KCNQ1: variants seen among roughly 807,000 people sequenced by gnomAD.
The protein encoded by KCNQ1 is potassium voltage-gated channel subfamily KQT member 1.
KCNQ1 carries 49 observed loss-of-function variants against 72.4 expected under a neutral mutation model. The observed-to-expected ratio is 0.68, with a 90% CI of 0.54 to 0.86. The LOEUF (loss-of-function observed/expected upper bound fraction) is 0.86, where lower values mean the gene tolerates loss of function less well. KCNQ1 is among the 40% of genes least tolerant of loss of function. The pLI is 0.00. For missense variants in KCNQ1, 790 were observed against 945.1 expected (o/e 0.84, Z 2.15); for synonymous variants, 450 against 412.6 (o/e 1.09, Z -1.10).
rs199473473 is a variant in KCNQ1, at chr11:2,587,594, G to A, written c.1153G>A (p.Glu385Lys). The A allele has an allele frequency of 2.4e-5, 39 of 1,613,720 alleles. No individual in the cohort carries two copies. The highest frequency in any genetic ancestry group is 1.1e-4 in the South Asian group (10 of 91,090). Reference protein sequence around the residue: ...IQTAWRCYAAENPDSSTWKIY... With the variant: ...IQTAWRCYAAKNPDSSTWKIY... Reference sequence around the variant, plus strand: ...GACCGCATGGAGGTGCTATGCTGCCGAGAACCCCGACTCCTCCACCTGGAA... The same window carrying A: ...GACCGCATGGAGGTGCTATGCTGCCAAGAACCCCGACTCCTCCACCTGGAA... The change falls in exon 9 of 16, where the codon GAG (glutamate) becomes AAG (lysine). Residue 385 changes from glutamate (E) to lysine (K), a missense_variant. Glu to Lys is a moderately conservative substitution (Grantham distance 56, BLOSUM62 1). Transcript: ENST00000155840.
intron 10 of KCNQ1, chr11:2,641,285 A>T: frequency 2.5e-6 from 1 of 398,490 alleles, no homozygotes; most frequent in Non-Finnish European, 4.4e-6. Context: ...AACAGTGTAT[A>T]AGAGTTCCCT....
At chr11:2,802,584 C>T (rs1490980119) in intron 15 of KCNQ1, among the ~76,000 whole-genome samples, 4 of 152,148 alleles carry the variant, frequency 2.6e-5, no homozygotes, top group Non-Finnish European at 4.4e-5. Context: ...AGGAGCCAGC[C>T]TAGTGCCTCC....
intron 14 of KCNQ1, among the ~76,000 whole-genome samples, chr11:2,777,237 A>T (rs1846724598): frequency 6.6e-6 from 1 of 152,050 alleles, no homozygotes; most frequent in Non-Finnish European, 1.5e-5. Flanking sequence ...AGGAATATTC[A>T]GGTTTCATAA....
At position 2,559,321 on chromosome 11, in the gene KCNQ1, C is replaced by T. The variant is rs1458674529; in HGVS notation, c.478-11307C>T. Among the ~76,000 whole-genome samples the T allele has an allele frequency of 6.6e-6, 1 of 152,144 alleles. No homozygotes were observed. The highest frequency in any genetic ancestry group is 1.5e-5 in the Non-Finnish European group (1 of 68,028). On this transcript the variant is annotated intron_variant, in intron 2 of 15. Coordinates refer to ENST00000155840, the MANE Select transcript of KCNQ1 (RefSeq NM_000218.3). The surrounding 1 kb of genome is among the most constrained non-coding windows in gnomAD (Gnocchi z 4.9). The stretch of plus-strand genomic sequence containing the variant: ...TGTGTGAACATGGCTCCCCTTAGGC[C>T]AGGGGTAGACGCAGGCACAGGGAGG...
rs1368226333 is a variant in KCNQ1 at position 2,848,008 on chromosome 11, G to A, written c.*5G>A. 3.2e-6 allele frequency: 5 copies of A among 1,539,778 alleles called. No homozygotes were observed. Among genetic ancestry groups the A allele is most frequent in the Non-Finnish European group, 4.4e-6 (5 of 1,141,342 alleles). On this transcript the variant is annotated 3_prime_UTR_variant, in exon 16 of 16. Coordinates refer to ENST00000155840, the MANE Select transcript of KCNQ1 (RefSeq NM_000218.3). Reference sequence around the variant, plus strand: ...GGCCCCGATGAGGGGTCCTGAGGAGGGGATGGGGCTGGGGGATGGGCCTGA... The same window carrying A: ...GGCCCCGATGAGGGGTCCTGAGGAGAGGATGGGGCTGGGGGATGGGCCTGA...
Position 2,723,350 on chromosome 11 carries a change from A to G in KCNQ1, c.1515-45494A>G, listed in dbSNP as rs899998747. Among the ~76,000 whole-genome samples the G allele has an allele frequency of 4.6e-5, 7 of 152,220 alleles. No homozygotes were observed. The highest frequency in any genetic ancestry group is 1.2e-4 in the African/African-American group (5 of 41,460). ...GGACACTGCAACCCTCAAGACTCCT[A>G]GCAAGCCCCTCCGTCTCAGAGCCTT... On this transcript the variant is annotated intron_variant, in intron 11 of 15. Transcript: ENST00000155840. This position sits in a 1 kb window ranked among gnomAD's most constrained non-coding sequence, Gnocchi z 4.2.
chr11:2,565,133 G>A lies in KCNQ1; in HGVS notation c.478-5495G>A, dbSNP rs1352635673. Among the ~76,000 whole-genome samples, 1 of 152,056 alleles carries A rather than the reference G, an allele frequency of 6.6e-6. No individual in the cohort carries two copies. The highest frequency in any genetic ancestry group is 1.5e-5 in the Non-Finnish European group (1 of 68,000). On this transcript the variant is annotated intron_variant, in intron 2 of 15. Transcript: ENST00000155840. This position sits in a 1 kb window ranked among gnomAD's most constrained non-coding sequence, Gnocchi z 5.6. Reference sequence around the variant, plus strand: ...CATACAGTAATTCTGTTTTTTTTCTGGCATGTTATTTAAACAGACTATTTG... The same window carrying A: ...CATACAGTAATTCTGTTTTTTTTCTAGCATGTTATTTAAACAGACTATTTG...
rs1845702755 is a variant in KCNQ1, at chr11:2,723,271, T to C, written c.1515-45573T>C. Among the ~76,000 whole-genome samples, 1 of 152,174 alleles carries C rather than the reference T, an allele frequency of 6.6e-6. No homozygotes were observed. Among genetic ancestry groups the C allele is most frequent in the African/African-American group, 2.4e-5 (1 of 41,438 alleles). Reference sequence around the variant, plus strand: ...CCTGGACAAGGTGCCCACGGCCCTGTCCCATTTACCGTTGGGGCAAGTGAG... The same window carrying C: ...CCTGGACAAGGTGCCCACGGCCCTGCCCCATTTACCGTTGGGGCAAGTGAG... On this transcript the variant is annotated intron_variant, in intron 11 of 15. Transcript: ENST00000155840. The surrounding 1 kb of genome is among the most constrained non-coding windows in gnomAD (Gnocchi z 4.2).
rs969799765 is a variant in KCNQ1, at chr11:2,674,504, C to G, written c.1514+12423C>G. 3 of 398,470 alleles carry G rather than the reference C, an allele frequency of 7.5e-6. No homozygotes were observed. The highest frequency in any genetic ancestry group is 6.2e-5 in the African/African-American group (3 of 48,604). 24.7% of individuals were successfully genotyped at this position (398,470 alleles called of 1,614,324 possible). ...GTAAGATGGCCCCAGTGTTACTAGG[C>G]ACTAGATGGCACTTGCAAAGCCCAT... On this transcript the variant is annotated intron_variant, in intron 11 of 15. Coordinates refer to ENST00000155840, the MANE Select transcript of KCNQ1 (RefSeq NM_000218.3). The surrounding 1 kb of genome is among the most constrained non-coding windows in gnomAD (Gnocchi z 5.9).
intron 10 of KCNQ1, chr11:2,616,546 ACTT>A: frequency 2.5e-6 from 1 of 397,800 alleles, no homozygotes; most frequent in Non-Finnish European, 4.4e-6. Flanking sequence ...TCCTCTGAGC[ACTT>A]CTTTCACTAC....
At position 2,494,972 on chromosome 11, in the gene KCNQ1, GC is replaced by G. The variant is rs766434969; in HGVS notation, c.387-32955del. ...TGGGTGTGAATCCGTCTGGTCCTGG[GC>G]TTTTTTTGGTTGGCAGGCTATTAAT... On this transcript the variant is annotated intron_variant, in intron 1 of 15. Coordinates refer to ENST00000155840, the MANE Select transcript of KCNQ1 (RefSeq NM_000218.3). This position sits in a 1 kb window ranked among gnomAD's most constrained non-coding sequence, Gnocchi z 4.6. 1.2e-3 allele frequency among the ~76,000 whole-genome samples: 176 copies of G among 152,182 alleles called. No individual in the cohort carries two copies. The highest frequency in any genetic ancestry group is 3.4e-3 in the Middle Eastern group (1 of 294).
At chr11:2,500,996 C>A (rs1847001259) in intron 1 of KCNQ1, among the ~76,000 whole-genome samples, 1 of 152,098 alleles carries the variant, frequency 6.6e-6, no homozygotes, top group African/African-American at 2.4e-5. Context: ...ATGTTCTGCA[C>A]ATGTACCCCA....
intron 15 of KCNQ1, among the ~76,000 whole-genome samples, chr11:2,825,084 G>A (rs982012285): frequency 6.6e-6 from 1 of 152,238 alleles, no homozygotes; most frequent in Admixed American, 6.5e-5. Context: ...AGTGTGCTGG[G>A]CCTCAGCCTG....
At position 2,710,276 on chromosome 11, in the gene KCNQ1, C is replaced by A. The variant is rs1389805301; in HGVS notation, c.1514+48195C>A. On this transcript the variant is annotated intron_variant, in intron 11 of 15. Transcript: ENST00000155840. This position sits in a 1 kb window ranked among gnomAD's most constrained non-coding sequence, Gnocchi z 4.1. ...ATCTTATTAGCCATTTGTATCTCTT[C>A]TTTGAAGAAGTATGTATTCAAATTC... 6.6e-6 allele frequency among the ~76,000 whole-genome samples: 1 copy of A among 152,162 alleles called. No individual in the cohort carries two copies. Among genetic ancestry groups the A allele is most frequent in the Non-Finnish European group, 1.5e-5 (1 of 68,018 alleles).
chr11:2,649,244 T>G (rs1018807834), intron 10 of KCNQ1: 9 of 398,360 alleles, frequency 2.3e-5, no homozygotes, highest in African/African-American at 1.9e-4. Flanking sequence ...GACTTACTCC[T>G]GTCATTTTAT....
chr11:2,838,792 G>A (rs906797841), intron 15 of KCNQ1, among the ~76,000 whole-genome samples: 5 of 152,254 alleles, frequency 3.3e-5, no homozygotes, highest in East Asian at 1.9e-4. Context: ...CTGGCTGCCC[G>A]AACAAAGTGT....
chr11:2,572,204 G>A lies in KCNQ1; in HGVS notation c.780+95G>A, dbSNP rs1458297873. On this transcript the variant is annotated intron_variant, in intron 5 of 15. Transcript: ENST00000155840. ...CTAGGACAGCTTGAGATGCGCTGAG[G>A]CCCCGGGGGCCGGTGGGTGCCTGGG... 3.3e-6 allele frequency: 3 copies of A among 911,998 alleles called. No homozygotes were observed. In the Admixed American group the frequency reaches 6.3e-5, roughly 19 times the overall value. The allele number at this position is 911,998 out of a possible 1,614,324, so 56.5% of individuals were successfully genotyped here.
intron 15 of KCNQ1, among the ~76,000 whole-genome samples, chr11:2,825,804 C>G (rs1210542574): frequency 1.3e-5 from 2 of 152,190 alleles, no homozygotes; most frequent in African/African-American, 4.8e-5. Context: ...TGGACCAGCG[C>G]GGCCTCCACG....
At chr11:2,656,520 C>T (rs1406783116) in intron 10 of KCNQ1, 1 of 398,570 alleles carries the variant, frequency 2.5e-6, no homozygotes, top group Non-Finnish European at 4.4e-6. Flanking sequence ...ATTTACATTT[C>T]CCTGATTGCT....
Sources: gnomAD v4.1 joint callset for allele counts (sites outside exome capture counted in the v4.1 genomes callset) on GRCh38, gnomAD v4.1.1 for gene constraint, Gnocchi (gnomAD v3.1) non-coding constraint, MANE v1.5 for transcripts, NCBI Gene and HGNC (gene_info 2026-07-23, HGNC 2026-07-21) for gene names.